The following POU6F2 variants were observed in gnomAD, a reference collection of about 807,000 sequenced individuals.
POU6F2 encodes the protein POU class 6 homeobox 2.
Under a neutral mutation model 71.3 loss-of-function variants are expected in POU6F2, and 31 were observed. The ratio of observed to expected loss-of-function variants is 0.43; its 90% CI spans 0.33 to 0.59. The LOEUF (loss-of-function observed/expected upper bound fraction) is 0.59, where lower values mean the gene tolerates loss of function less well. Among genes scored for constraint, POU6F2 ranks in the 20% least tolerant of loss-of-function variants. The pLI is 0.04. For synonymous variants in POU6F2, 347 were observed against 355.7 expected, an observed-to-expected ratio of 0.98 and a Z score of 0.27; for missense variants, 783 against 856.8, an observed-to-expected ratio of 0.91 and a Z score of 1.07.
At chr7:39,326,366 C>A (rs559263834) in intron 4 of POU6F2, among the ~76,000 whole-genome samples, 1 of 152,260 alleles carries the variant, frequency 6.6e-6, no homozygotes, top group African/African-American at 2.4e-5. Context: ...AATCCTCTGC[C>A]AAACTCTGTA....
At chr7:39,041,471 T>G (rs1790192559) in intron 1 of POU6F2, among the ~76,000 whole-genome samples, 1 of 151,954 alleles carries the variant, frequency 6.6e-6, no homozygotes, top group Non-Finnish European at 1.5e-5. Context: ...TTCTCCATCT[T>G]CTGGTGATCT....
chr7:39,428,840 T>C (rs909399120), intron 6 of POU6F2, among the ~76,000 whole-genome samples: 3 of 151,666 alleles, frequency 2.0e-5, no homozygotes, highest in Non-Finnish European at 4.4e-5. Flanking sequence ...CTGGAAACCA[T>C]CATTCTGAGC....
chr7:39,435,289 G>A (rs1424762241), intron 7 of POU6F2, among the ~76,000 whole-genome samples: 1 of 152,126 alleles, frequency 6.6e-6, no homozygotes, highest in Non-Finnish European at 1.5e-5. Context: ...AGCCTCGTCA[G>A]CATCTATTGT....
intron 1 of POU6F2, among the ~76,000 whole-genome samples, chr7:39,034,867 G>A (rs1584510664): frequency 6.6e-6 from 1 of 152,136 alleles, no homozygotes; most frequent in East Asian, 1.9e-4. Flanking sequence ...AGGGGATGCC[G>A]AGTTCTCTGT....
At chr7:39,269,471 G>C (rs1449212414) in intron 4 of POU6F2, among the ~76,000 whole-genome samples, 1 of 152,236 alleles carries the variant, frequency 6.6e-6, no homozygotes, top group East Asian at 1.9e-4. Context: ...ATGGTCGGCT[G>C]GGCGGCAGGG....
chr7:38,990,685 T>C (rs1788581283), intron 1 of POU6F2, among the ~76,000 whole-genome samples: 1 of 152,126 alleles, frequency 6.6e-6, no homozygotes, highest in African/African-American at 2.4e-5. Flanking sequence ...GAGCCTGTAA[T>C]ATAATATATC....
At chr7:39,072,933 G>A (rs1026736257) in intron 1 of POU6F2, among the ~76,000 whole-genome samples, 3 of 152,200 alleles carry the variant, frequency 2.0e-5, no homozygotes, top group African/African-American at 7.2e-5. Flanking sequence ...AACATGATCA[G>A]GGTGCTAAGA....
chr7:39,243,273 G>A (rs1166810216), intron 4 of POU6F2, among the ~76,000 whole-genome samples: 1 of 152,066 alleles, frequency 6.6e-6, no homozygotes, highest in Non-Finnish European at 1.5e-5. Context: ...ATTTCCTGTG[G>A]TTCTTTCTCA....
intron 1 of POU6F2, among the ~76,000 whole-genome samples, chr7:39,065,780 A>G (rs1790742509): frequency 6.6e-6 from 1 of 151,700 alleles, no homozygotes. Flanking sequence ...AAATTATAAA[A>G]TTATTTAAAA....
intron 1 of POU6F2, among the ~76,000 whole-genome samples, chr7:39,013,825 C>T (rs1228001166): frequency 1.3e-5 from 2 of 152,126 alleles, no homozygotes; most frequent in East Asian, 3.9e-4. Context: ...TTTCCAACAT[C>T]ATTTCATTCA....
In POU6F2 at chr7:39,250,338, G is replaced by T. The variant is rs571845351; in HGVS notation, c.598+42718G>T. Among the ~76,000 whole-genome samples, 59 of 152,208 alleles carry T rather than the reference G, an allele frequency of 3.9e-4. No individual in the cohort carries two copies. In the South Asian group the frequency reaches 5.4e-3, roughly 14 times the overall value. ...AGGTTGTTTTTGTGTGTGTTCTGTT[G>T]GGGATGTCATTTCTTTTGTGTCGCT... On this transcript the variant is annotated intron_variant, in intron 4 of 9. Coordinates refer to ENST00000518318, the MANE Select transcript of POU6F2 (RefSeq NM_001370959.1).
intron 1 of POU6F2, among the ~76,000 whole-genome samples, chr7:39,041,759 G>A (rs1425694004): frequency 6.6e-6 from 1 of 151,682 alleles, no homozygotes; most frequent in Non-Finnish European, 1.5e-5. Context: ...TAGCTTTCAT[G>A]CCAGACTTAT....
At chr7:39,086,085 AT>A (rs1791237852) in intron 2 of POU6F2, 54 bp downstream of exon 2, 2 of 1,551,854 alleles carry the variant, frequency 1.3e-6, no homozygotes. Flanking sequence ...CGGAAGAGCA[AT>A]CCAACCCCCC....
At chr7:39,396,766 A>C (rs1168703316) in intron 5 of POU6F2, among the ~76,000 whole-genome samples, 1 of 152,064 alleles carries the variant, frequency 6.6e-6, no homozygotes. Flanking sequence ...ATCCATCCTT[A>C]TCTGGGGAAG....
chr7:39,214,199 G>A (rs575189027), intron 4 of POU6F2, among the ~76,000 whole-genome samples: 11 of 151,982 alleles, frequency 7.2e-5, no homozygotes, highest in African/African-American at 2.7e-4. Flanking sequence ...AATTAAATCA[G>A]CCTTGATGTG....
chr7:39,153,572 A>T (rs543216944), intron 2 of POU6F2, among the ~76,000 whole-genome samples: 47 of 152,350 alleles, frequency 3.1e-4, no homozygotes, highest in African/African-American at 1.1e-3. Flanking sequence ...AGTGAAATGA[A>T]ATCATTATCC....
rs542682723 is a variant in POU6F2, at chr7:39,255,398, C to T, written c.598+47778C>T. ...TGCTCCACTAAATTCTTACATATGC[C>T]TCATGGAAAGAAGACACTTTATTCT... On this transcript the variant is annotated intron_variant, in intron 4 of 9. Coordinates refer to ENST00000518318, the MANE Select transcript of POU6F2 (RefSeq NM_001370959.1). Among the ~76,000 whole-genome samples the T allele has an allele frequency of 6.1e-4, 93 of 152,248 alleles. 2 individuals are homozygous for T. In the South Asian group the frequency reaches 0.019, roughly 32 times the overall value.
chr7:39,333,323 A>G (rs1785697035), intron 4 of POU6F2, among the ~76,000 whole-genome samples: 1 of 152,154 alleles, frequency 6.6e-6, no homozygotes. Context: ...GAATTCCCCT[A>G]ATTTCCAAAA....
chr7:39,439,933 G>A (rs1057482845), intron 7 of POU6F2, among the ~76,000 whole-genome samples: 3 of 151,892 alleles, frequency 2.0e-5, no homozygotes, highest in Non-Finnish European at 4.4e-5. Context: ...TTTCTCCTTC[G>A]CTTATGAAGC....
Sources: allele counts gnomAD v4.1 joint callset (sites outside exome capture counted in the v4.1 genomes callset), GRCh38; gene constraint gnomAD v4.1.1; transcripts MANE v1.5; gene names NCBI Gene and HGNC (gene_info 2026-07-23, HGNC 2026-07-21).